Variants in DMD observed in about 807,000 individuals in gnomAD.
The protein encoded by DMD is mutant dystrophin.
In DMD, 63 loss-of-function variants were observed where a neutral mutation model predicts 330.1. That is an observed-to-expected ratio of 0.19 (90% CI 0.16 to 0.24). DMD has a LOEUF of 0.24. Among genes scored for constraint, DMD ranks in the 10% least tolerant of loss-of-function variants. DMD has a pLI of 1.00. For missense variants in DMD, 3,344 were observed against 2,684.1 expected (o/e 1.25, Z -5.43); for synonymous variants, 1,223 against 959.8 (o/e 1.27, Z -5.07).
intron 1 of DMD, among the ~76,000 whole-genome samples, chrX:33,217,234 G>A (rs188081799): frequency 4.0e-4 from 45 of 111,357 alleles, no homozygotes; most frequent in Non-Finnish European, 6.0e-4. Flanking sequence ...GCTAGTTTGT[G>A]AGTGAGTTTA....
intron 47 of DMD, among the ~76,000 whole-genome samples, chrX:31,907,590 T>C (rs779642259): frequency 8.9e-6 from 1 of 112,221 alleles, no homozygotes; most frequent in East Asian, 2.8e-4. Flanking sequence ...AAGACTTACA[T>C]GTTAGACCTA....
chrX:31,585,249 A>G (rs1425359966), intron 55 of DMD, among the ~76,000 whole-genome samples: 1 of 102,438 alleles, frequency 9.8e-6, no homozygotes. Flanking sequence ...ACCCGAGCCC[A>G]GGAGGTGGAG....
chrX:31,209,205 T>C (rs2044388990), intron 65 of DMD, among the ~76,000 whole-genome samples: 1 of 111,626 alleles, frequency 9.0e-6, no homozygotes, highest in African/African-American at 3.3e-5. Context: ...CCAAAATCCA[T>C]GGGCGAGAAA....
At chrX:32,796,392 T>C (rs1481506232) in intron 7 of DMD, among the ~76,000 whole-genome samples, 1 of 111,549 alleles carries the variant, frequency 9.0e-6, no homozygotes, top group Non-Finnish European at 1.9e-5. Flanking sequence ...TTCTTACTCA[T>C]ATATAGGTGT....
intron 29 of DMD, among the ~76,000 whole-genome samples, chrX:32,415,477 T>C (rs773707694): frequency 8.9e-6 from 1 of 112,317 alleles, no homozygotes; most frequent in African/African-American, 3.2e-5. Flanking sequence ...CTTCTATTTC[T>C]AAACATCTGA....
intron 60 of DMD, among the ~76,000 whole-genome samples, chrX:31,424,931 T>C (rs1251720819): frequency 8.9e-6 from 1 of 111,872 alleles, no homozygotes; most frequent in African/African-American, 3.3e-5. Context: ...TGTAGCTGAG[T>C]TGTGAGTCTG....
intron 44 of DMD, among the ~76,000 whole-genome samples, chrX:32,036,300 A>G (rs2095945752): frequency 8.9e-6 from 1 of 111,738 alleles, no homozygotes; most frequent in Non-Finnish European, 1.9e-5. Flanking sequence ...AGCAAGACTG[A>G]AATTCCAGAG....
chrX:32,777,277 T>TGGGGGGGGGGGGGGGGGGGGGGG (rs546914107), intron 7 of DMD, among the ~76,000 whole-genome samples: 1 of 2,113 alleles, frequency 4.7e-4, no homozygotes, highest in African/African-American at 3.1e-3. Context: ...GGTTTCTGGT[T>TGGGGGGGGGGGGGGGGGGGGGGG]GGGGGGGGAA....
intron 30 of DMD, among the ~76,000 whole-genome samples, chrX:32,408,235 C>T (rs1425263211): frequency 2.7e-5 from 3 of 111,819 alleles, no homozygotes; most frequent in Admixed American, 9.5e-5. Flanking sequence ...AAAGTGTAAG[C>T]TTTGCTTCTG....
At chrX:31,137,249 G>T (rs1263985392) in intron 76 of DMD, among the ~76,000 whole-genome samples, 1 of 111,776 alleles carries the variant, frequency 8.9e-6, no homozygotes, top group African/African-American at 3.3e-5. Flanking sequence ...TCAATCTCCT[G>T]ACCTCGTGAT....
At chrX:31,210,343 C>T (rs1467809583) in intron 64 of DMD, among the ~76,000 whole-genome samples, 1 of 111,787 alleles carries the variant, frequency 8.9e-6, no homozygotes, top group Non-Finnish European at 1.9e-5. Context: ...CTCCTTTCAC[C>T]TTCAAATTGT....
intron 2 of DMD, among the ~76,000 whole-genome samples, chrX:32,900,027 T>C (rs2086101673): frequency 1.8e-5 from 2 of 112,232 alleles, no homozygotes; most frequent in South Asian, 3.7e-4. Context: ...TATGATCTCC[T>C]ACAAATTTAA....
intron 34 of DMD, among the ~76,000 whole-genome samples, chrX:32,372,490 T>C (rs1603631918): frequency 9.0e-6 from 1 of 111,527 alleles, no homozygotes; most frequent in East Asian, 2.8e-4. Context: ...ATCATCTCTA[T>C]TCTACAGCTA....
intron 42 of DMD, among the ~76,000 whole-genome samples, chrX:32,308,132 A>G (rs2097547543): frequency 9.0e-6 from 1 of 110,674 alleles, no homozygotes; most frequent in South Asian, 3.7e-4. Context: ...GTCTCTGTCA[A>G]CATGATTAGG....
intron 2 of DMD, among the ~76,000 whole-genome samples, chrX:32,886,323 T>G (rs1339961603): frequency 9.1e-6 from 1 of 109,991 alleles, no homozygotes; most frequent in Non-Finnish European, 1.9e-5. Flanking sequence ...TGTAAACTGG[T>G]AAAAAATAAT....
intron 1 of DMD, among the ~76,000 whole-genome samples, chrX:33,031,675 G>A (rs2094116724): frequency 2.7e-5 from 3 of 110,881 alleles, no homozygotes; most frequent in South Asian, 3.8e-4. Context: ...GGAGGCTGAC[G>A]CAGGAGAATC....
intron 12 of DMD, among the ~76,000 whole-genome samples, chrX:32,607,298 C>A (rs1304251667): frequency 1.8e-5 from 2 of 110,445 alleles, no homozygotes; most frequent in African/African-American, 3.3e-5. Context: ...CACTGAGATT[C>A]ATGGAAATAG....
chrX:32,394,268 C>T (rs1489954534), intron 30 of DMD, among the ~76,000 whole-genome samples: 2 of 111,791 alleles, frequency 1.8e-5, no homozygotes, highest in African/African-American at 3.3e-5. Flanking sequence ...GATGTGAAGA[C>T]GCAAGAAGTT....
intron 1 of DMD, among the ~76,000 whole-genome samples, chrX:33,157,020 T>G (rs2048537627): frequency 8.9e-6 from 1 of 112,215 alleles, no homozygotes; most frequent in Admixed American, 9.5e-5. Context: ...CAGTTCACAT[T>G]CTTTATAGAT....
Sources: gnomAD v4.1 joint callset for allele counts (sites outside exome capture counted in the v4.1 genomes callset) on GRCh38, gnomAD v4.1.1 for gene constraint, MANE v1.5 for transcripts, NCBI Gene and HGNC (gene_info 2026-07-23, HGNC 2026-07-21) for gene names.